The following CCDC30 variants were observed in gnomAD, a reference collection of about 807,000 sequenced individuals.
CCDC30 encodes coiled-coil domain containing 30.
Under a neutral mutation model 100.2 loss-of-function variants are expected in CCDC30, and 70 were observed. That is an observed-to-expected ratio of 0.70 (90% CI 0.58 to 0.85). The LOEUF is 0.85. Among genes scored for constraint, CCDC30 ranks in the 40% least tolerant of loss-of-function variants. The pLI is 0.00. For missense variants in CCDC30, 652 were observed against 771.2 expected (o/e 0.85, Z 1.83); for synonymous variants, 233 against 269.5 (o/e 0.86, Z 1.33).
chr1:42,650,490 AAT>A (rs111457240), intron 15 of CCDC30, among the ~76,000 whole-genome samples: 16 of 130,086 alleles, frequency 1.2e-4, no homozygotes, highest in African/African-American at 1.5e-4. Context: ...TGTCTAAAAA[AAT>A]ATATATGTGT....
chr1:42,512,341 C>G (rs1644490766), intron 6 of CCDC30, among the ~76,000 whole-genome samples: 1 of 152,044 alleles, frequency 6.6e-6, no homozygotes. Context: ...GGGCCCATTC[C>G]CAACAGACCT....
chr1:42,466,077 T>C (rs1237541671), intron 1 of CCDC30, among the ~76,000 whole-genome samples: 1 of 152,258 alleles, frequency 6.6e-6, no homozygotes, highest in Admixed American at 6.5e-5. Context: ...AATATGTATT[T>C]TATTTAAGAT....
intron 15 of CCDC30, among the ~76,000 whole-genome samples, chr1:42,647,585 T>C (rs1049246444): frequency 6.6e-6 from 1 of 152,238 alleles, no homozygotes; most frequent in African/African-American, 2.4e-5. Context: ...CTAGTAGATC[T>C]AACTGACACT....
At chr1:42,473,703 ACCT>A (rs550548485) in intron 1 of CCDC30, 148 of 167,734 alleles carry the variant, frequency 8.8e-4, no homozygotes, top group South Asian at 1.6e-3. Flanking sequence ...GAGATGAGAC[ACCT>A]CCTTTTTAAT....
chr1:42,654,491 A>T (rs1648593305), downstream of CCDC30: 1 of 157,752 alleles, frequency 6.3e-6, no homozygotes, highest in Non-Finnish European at 1.4e-5. Context: ...GATCGAGACC[A>T]TCCTGGCTAA....
At chr1:42,566,539 AAGTTCCT>A in intron 7 of CCDC30, 64 bp downstream of exon 11, 1 of 1,328,880 alleles carries the variant, frequency 7.5e-7, no homozygotes, top group Non-Finnish European at 1.1e-6. Flanking sequence ...AAACGAATCT[AAGTTCCT>A]CTACTTGATA....
chr1:42,515,139 G>C (rs1453970745), intron 6 of CCDC30, among the ~76,000 whole-genome samples: 2 of 150,338 alleles, frequency 1.3e-5, no homozygotes, highest in Non-Finnish European at 1.5e-5. Context: ...GCCATGTGAA[G>C]ACAGTCATAC....
chr1:42,518,021 AT>A (rs547963754), intron 6 of CCDC30, among the ~76,000 whole-genome samples: 70 of 152,148 alleles, frequency 4.6e-4, no homozygotes, highest in Non-Finnish European at 9.3e-4. Flanking sequence ...TATTGTTGGA[AT>A]TTTGATAGGG....
intron 4 of CCDC30, among the ~76,000 whole-genome samples, chr1:42,490,997 A>G (rs1036727242): frequency 2.0e-5 from 3 of 152,238 alleles, no homozygotes; most frequent in Non-Finnish European, 4.4e-5. Flanking sequence ...AAATGCTACC[A>G]GTTATCAATA....
the CCDC30 span, chr1:42,456,592 G>C: frequency 2.0e-6 from 3 of 1,504,086 alleles, no homozygotes; most frequent in Non-Finnish European, 2.7e-6. Context: ...CGGTAGCCGA[G>C]TTCCCCCAGC....
chr1:42,646,296 G>A, exon 15 of CCDC30: 1 of 1,541,944 alleles, frequency 6.5e-7, no homozygotes, highest in Non-Finnish European at 8.8e-7. Flanking sequence ...CCACAGAGAA[G>A]TGGAAACACT....
At chr1:42,500,604 A>G (rs921376891) in intron 6 of CCDC30, among the ~76,000 whole-genome samples, 6 of 151,982 alleles carry the variant, frequency 3.9e-5, no homozygotes, top group Non-Finnish European at 5.9e-5. Flanking sequence ...TAGTAGAGAC[A>G]GGGTTTCACC....
intron 1 of CCDC30, among the ~76,000 whole-genome samples, chr1:42,472,058 A>C (rs896191189): frequency 1.2e-4 from 18 of 152,196 alleles, no homozygotes; most frequent in East Asian, 3.9e-4. Flanking sequence ...GTTCGAGACG[A>C]GCCTGACCAA....
chr1:42,629,264 C>T (rs970858408), intron 11 of CCDC30, among the ~76,000 whole-genome samples: 32 of 152,136 alleles, frequency 2.1e-4, no homozygotes, highest in African/African-American at 7.7e-4. Context: ...TATTTATTTC[C>T]CCTTCATGCT....
chr1:42,514,659 C>A (rs1446000895), intron 6 of CCDC30, among the ~76,000 whole-genome samples: 1 of 151,908 alleles, frequency 6.6e-6, no homozygotes, highest in Non-Finnish European at 1.5e-5. Flanking sequence ...GTTTTGTTTT[C>A]GTTTTTGTTT....
Position 42,596,814 on chromosome 1 carries a change from A to G in CCDC30, c.1164+7331A>G, listed in dbSNP as rs1267250259. ...TAGAACCAGGCTCAGATACAGCAGG[A>G]ATATTGAAATTATCAGACCAGAAAT... On this transcript the variant is annotated intron_variant, in intron 10 of 16. Transcript: ENST00000668663. The surrounding 1 kb of genome is among the most constrained non-coding windows in gnomAD (Gnocchi z 4.3). Among the ~76,000 whole-genome samples, 2 of 152,158 alleles carry G rather than the reference A, an allele frequency of 1.3e-5. No individual in the cohort carries two copies. Among genetic ancestry groups the G allele is most frequent in the East Asian group, 3.8e-4 (2 of 5,196 alleles).
intron 7 of CCDC30, among the ~76,000 whole-genome samples, chr1:42,576,414 T>G (rs1645838284): frequency 6.6e-6 from 1 of 152,208 alleles, no homozygotes; most frequent in Non-Finnish European, 1.5e-5. Flanking sequence ...CATTATTTAC[T>G]GAAATTGGGA....
intron 6 of CCDC30, 174 bp downstream of exon 7, chr1:42,536,775 G>A (rs897198061): frequency 7.4e-6 from 4 of 543,236 alleles, no homozygotes; most frequent in African/African-American, 1.9e-5. Flanking sequence ...TTATGGAGGA[G>A]GGGAAGTCCA....
At chr1:42,542,533 A>ATTTTTT (rs749030366) in intron 6 of CCDC30, among the ~76,000 whole-genome samples, 5 of 100,812 alleles carry the variant, frequency 5.0e-5, no homozygotes, top group African/African-American at 2.0e-4. Context: ...CTAATTTTAA[A>ATTTTTT]TTTTTCTTTT....
Sources: gnomAD v4.1 joint callset for allele counts (sites outside exome capture counted in the v4.1 genomes callset) on GRCh38, gnomAD v4.1.1 for gene constraint, Gnocchi (gnomAD v3.1) non-coding constraint, MANE v1.5 for transcripts, NCBI Gene and HGNC (gene_info 2026-07-23, HGNC 2026-07-21) for gene names.